Variants in BMPR1A observed in about 807,000 individuals in gnomAD.
BMPR1A encodes the protein bone morphogenetic protein receptor type 1A, also known as bone morphogenetic protein receptor type-1A.
A neutral mutation model predicts 66.0 loss-of-function variants in BMPR1A; 7 were observed. That is an observed-to-expected ratio of 0.11 (90% CI 0.06 to 0.20). The LOEUF is 0.20. Among genes scored for constraint, BMPR1A ranks in the 10% least tolerant of loss-of-function variants. The pLI, the probability that BMPR1A is intolerant of heterozygous loss-of-function variation, is 1.00. For synonymous variants in BMPR1A, 200 were observed against 229.7 expected (o/e 0.87, Z 1.17); for missense variants, 408 against 669.1 (o/e 0.61, Z 4.31).
chr10:86,766,809 C>T (rs1256407708), intron 1 of BMPR1A, among the ~76,000 whole-genome samples: 6 of 150,640 alleles, frequency 4.0e-5, no homozygotes, highest in Admixed American at 6.6e-5. Context: ...GGGGTTTCAC[C>T]GTGTTAGCCA....
At chr10:86,821,129 C>G (rs956931302) in intron 1 of BMPR1A, among the ~76,000 whole-genome samples, 1 of 152,086 alleles carries the variant, frequency 6.6e-6, no homozygotes, top group African/African-American at 2.4e-5. Context: ...AGTACTTATT[C>G]TCGTGTGGCA....
chr10:86,777,008 A>G (rs1249242761), intron 1 of BMPR1A, among the ~76,000 whole-genome samples: 2 of 152,170 alleles, frequency 1.3e-5, no homozygotes, highest in Admixed American at 6.5e-5. Flanking sequence ...TCTAGTGCCA[A>G]CAATTCTTTT....
At chr10:86,904,026 C>T (rs1843349492) in intron 7 of BMPR1A, among the ~76,000 whole-genome samples, 1 of 152,194 alleles carries the variant, frequency 6.6e-6, no homozygotes. Context: ...GCTTCAGCTT[C>T]CCAAGTAGCT....
chr10:86,830,470 T>C (rs1384341375), intron 1 of BMPR1A, among the ~76,000 whole-genome samples: 1 of 152,190 alleles, frequency 6.6e-6, no homozygotes, highest in Non-Finnish European at 1.5e-5. Context: ...GTATGAGAGA[T>C]CCAGTTTCTT....
chr10:86,765,989 C>CT (rs67035271), intron 1 of BMPR1A, among the ~76,000 whole-genome samples: 65,549 of 131,926 alleles, frequency 0.5, 18,898 homozygotes, highest in African/African-American at 0.8. Context: ...TTTCCTCATT[C>CT]TTTTTTTTTT....
At chr10:86,866,371 GGTTGT>G (rs1842784986) in intron 2 of BMPR1A, among the ~76,000 whole-genome samples, 1 of 147,262 alleles carries the variant, frequency 6.8e-6, no homozygotes, top group South Asian at 2.2e-4. Flanking sequence ...GCCACTTACT[GGTTGT>G]GTTAAGTTGG....
chr10:86,883,599 C>T (rs1453663761), intron 3 of BMPR1A, among the ~76,000 whole-genome samples: 11 of 142,670 alleles, frequency 7.7e-5, no homozygotes, highest in Non-Finnish European at 1.1e-4. Flanking sequence ...GGTGAAACAC[C>T]GTCTCTACTA....
At chr10:86,895,853 C>T (rs767526729) in intron 5 of BMPR1A, among the ~76,000 whole-genome samples, 2 of 152,034 alleles carry the variant, frequency 1.3e-5, no homozygotes, top group Non-Finnish European at 2.9e-5. Context: ...CACGGCAGAA[C>T]CCCATCTCTA....
rs1843500791 is a variant in BMPR1A, at chr10:86,912,242, A to G, written c.533A>G (p.His178Arg). ...IIFSSCFCYKHYCKSISSRRR... is the reference protein window; with the variant it reads ...IIFSSCFCYKRYCKSISSRRR... ...ATTGTTTTCTGCTTTTTTAAAAGAC[A>G]TTATTGCAAGAGCATCTCAAGCAGA... The change falls in exon 8 of 13, where the codon CAT becomes CGT. Residue 178 changes from histidine (H) to arginine (R), a missense_variant and splice_region_variant. Physicochemically the swap from His to Arg is conservative, Grantham distance 29. Transcript: ENST00000372037. 2 of 1,613,142 alleles carry G rather than the reference A, an allele frequency of 1.2e-6. No homozygotes were observed. Among genetic ancestry groups the G allele is most frequent in the South Asian group, 1.1e-5 (1 of 91,044 alleles).
At chr10:86,797,068 CTTTT>C (rs780930060) in intron 1 of BMPR1A, among the ~76,000 whole-genome samples, 2 of 105,028 alleles carry the variant, frequency 1.9e-5, no homozygotes, top group Non-Finnish European at 3.9e-5. Context: ...CTTTTCTTTT[CTTTT>C]TTTTTTTTTT....
chr10:86,915,518 C>T (rs1843554320), intron 8 of BMPR1A, among the ~76,000 whole-genome samples: 1 of 151,840 alleles, frequency 6.6e-6, no homozygotes, highest in Admixed American at 6.6e-5. Flanking sequence ...CACTTGAGGT[C>T]AGGTGTTCGA....
intron 1 of BMPR1A, among the ~76,000 whole-genome samples, chr10:86,790,876 A>G (rs954271591): frequency 1.3e-5 from 2 of 152,234 alleles, no homozygotes; most frequent in African/African-American, 4.8e-5. Context: ...TACGTCAATT[A>G]TATCTCCAAA....
chr10:86,791,403 G>A (rs1258616655), intron 1 of BMPR1A, among the ~76,000 whole-genome samples: 1 of 151,592 alleles, frequency 6.6e-6, no homozygotes, highest in Non-Finnish European at 1.5e-5. Flanking sequence ...TAGTAGAGAC[G>A]GGGTTTCACC....
chr10:86,890,323 T>G (rs1429747141), intron 4 of BMPR1A, 99 bp downstream of exon 4: 1 of 1,434,282 alleles, frequency 7.0e-7, no homozygotes, highest in Non-Finnish European at 9.7e-7. Context: ...TTTTTTTTCA[T>G]TCATATATAG....
At chr10:86,779,857 C>G (rs923329695) in intron 1 of BMPR1A, among the ~76,000 whole-genome samples, 2 of 152,184 alleles carry the variant, frequency 1.3e-5, no homozygotes. Flanking sequence ...CAGCATCAGC[C>G]TCCCAAAGTG....
chr10:86,831,489 T>C (rs1028191426), intron 1 of BMPR1A, among the ~76,000 whole-genome samples: 1 of 152,224 alleles, frequency 6.6e-6, no homozygotes, highest in Non-Finnish European at 1.5e-5. Flanking sequence ...GGCACAGTGG[T>C]TTATGCCTAT....
chr10:86,790,481 C>G (rs779854800), intron 1 of BMPR1A, among the ~76,000 whole-genome samples: 2 of 151,732 alleles, frequency 1.3e-5, no homozygotes, highest in Non-Finnish European at 2.9e-5. Context: ...AAAACATGTT[C>G]ACACAAAAAT....
intron 1 of BMPR1A, among the ~76,000 whole-genome samples, chr10:86,781,112 G>T (rs900799384): frequency 1.3e-5 from 2 of 151,664 alleles, no homozygotes; most frequent in African/African-American, 4.8e-5. Context: ...CCTTGGCCTC[G>T]CAAAGTACTG....
chr10:86,845,184 T>C (rs1485817668), intron 2 of BMPR1A, among the ~76,000 whole-genome samples: 1 of 152,206 alleles, frequency 6.6e-6, no homozygotes, highest in Non-Finnish European at 1.5e-5. Flanking sequence ...GGCTGATAGG[T>C]TATTTGGGAG....
Sources: gnomAD v4.1 joint callset for allele counts (sites outside exome capture counted in the v4.1 genomes callset) on GRCh38, gnomAD v4.1.1 for gene constraint, MANE v1.5 for transcripts, NCBI Gene and HGNC (gene_info 2026-07-23, HGNC 2026-07-21) for gene names.